Variants in VPS36 observed in about 807,000 individuals in gnomAD.
The protein encoded by VPS36 is vacuolar protein-sorting-associated protein 36.
A neutral mutation model predicts 63.5 loss-of-function variants in VPS36; 31 were observed. The ratio of observed to expected loss-of-function variants is 0.49; its 90% confidence interval spans 0.37 to 0.66. VPS36 has a LOEUF of 0.66. VPS36 is among the 30% of genes least tolerant of loss of function. VPS36 has a pLI of 0.00. For missense variants in VPS36, 338 were observed against 463.7 expected (o/e 0.73, Z 2.49); for synonymous variants, 138 against 157.2 (o/e 0.88, Z 0.91).
At chr13:52,426,158 C>G (rs1256491582) in intron 8 of VPS36, 92 bp from the exon 9 acceptor site, 2 of 1,467,614 alleles carry the variant, frequency 1.4e-6, no homozygotes, top group South Asian at 1.3e-5. Flanking sequence ...TCAATTATGT[C>G]TACATATCCC....
intron 6 of VPS36, among the ~76,000 whole-genome samples, chr13:52,430,250 G>C (rs911837075): frequency 1.3e-5 from 2 of 152,084 alleles, no homozygotes. Flanking sequence ...GAAATGAAAA[G>C]CATTAGAGTC....
intron 11 of VPS36, among the ~76,000 whole-genome samples, chr13:52,417,454 G>A (rs1342699737): frequency 1.3e-5 from 2 of 152,088 alleles, no homozygotes; most frequent in South Asian, 2.1e-4. Flanking sequence ...TCCGCCTCCC[G>A]GGTTCAAGCG....
Position 52,415,902 on chromosome 13 carries a change from C to T in VPS36, c.1089G>A (p.Met363Ile). ...AKERLLLAEK[M>I]GHLCRDDSVE... is the part of the protein sequence containing the mutation. ...CTGAGTCATCACGGCAAAGATGGCC[C>T]ATCTTCTCTGCAAGCAGCAACCTAA... is the stretch of plus-strand genomic sequence containing the variant. The change falls in exon 14 of 14, where the codon ATG becomes ATA. Residue 363 changes from methionine to isoleucine, a missense_variant. Physicochemically the swap from Met to Ile is conservative, Grantham distance 10. Transcript: ENST00000378060. 1 of 1,613,794 alleles carries T rather than the reference C, an allele frequency of 6.2e-7. No individual in the cohort carries two copies. The highest frequency in any genetic ancestry group is 2.2e-5 in the East Asian group (1 of 44,856).
In VPS36 at chr13:52,433,742, T is replaced by C. The variant is rs767241247; in HGVS notation, c.448A>G (p.Arg150Gly). 1.3e-6 allele frequency: 2 copies of C among 1,591,490 alleles called. No homozygotes were observed. Among genetic ancestry groups the C allele is most frequent in the Non-Finnish European group, 1.7e-6 (2 of 1,173,834 alleles). The change falls in exon 6 of 14, where the codon AGA (arginine) becomes GGA (glycine). Residue 150 changes from arginine to glycine, a missense_variant. Transcript: ENST00000378060. The stretch of plus-strand genomic sequence containing the variant: ...CCTACAATTCCTACAGCCCTTATTC[T>C]TCCTGGCTGAAAAAAAAAAGAGGTA... ...LQTNRGPQPG[R>G]IRAVGIVGIE...
At chr13:52,443,471 G>A (rs1333779382) in intron 1 of VPS36, among the ~76,000 whole-genome samples, 3 of 152,096 alleles carry the variant, frequency 2.0e-5, no homozygotes, top group African/African-American at 4.8e-5. Flanking sequence ...CCATGAACAC[G>A]TGCTGACAAA....
In VPS36 at chr13:52,414,657, C is replaced by A; in HGVS notation, c.*1173G>T. Reference sequence around the variant, plus strand: ...CTCTTCCTGGTCCCAAGGGTGCTCCCAATACAATACTTTCCCTCCCGCAGG... The same window carrying A: ...CTCTTCCTGGTCCCAAGGGTGCTCCAAATACAATACTTTCCCTCCCGCAGG... On this transcript the variant is annotated 3_prime_UTR_variant, in exon 14 of 14. Transcript: ENST00000378060. 1 of 152,300 alleles carries A rather than the reference C, an allele frequency of 6.6e-6. No homozygotes were observed. The highest frequency in any genetic ancestry group is 2.1e-4 in the South Asian group (1 of 4,820). 9.4% of individuals were successfully genotyped at this position (152,300 alleles called of 1,614,324 possible).
intron 6 of VPS36, among the ~76,000 whole-genome samples, chr13:52,430,316 A>G (rs1476161235): frequency 6.6e-6 from 1 of 152,176 alleles, no homozygotes; most frequent in Non-Finnish European, 1.5e-5. Flanking sequence ...GGAGTCCCAG[A>G]AGAAAAAAAA....
At chr13:52,445,879 G>A (rs1958334846) in intron 1 of VPS36, among the ~76,000 whole-genome samples, 1 of 132,176 alleles carries the variant, frequency 7.6e-6, no homozygotes, top group African/African-American at 2.8e-5. Flanking sequence ...GGCGGAGCTT[G>A]CAGTGAGCGG....
At chr13:52,418,570 T>A (rs1467812042) in intron 10 of VPS36, among the ~76,000 whole-genome samples, 4 of 71,546 alleles carry the variant, frequency 5.6e-5, no homozygotes, top group Admixed American at 4.7e-4. Context: ...CGAGACTCCA[T>A]CTCAAAAAAA....
At chr13:52,426,117 T>A (rs529173335) in intron 8 of VPS36, 51 bp from the exon 9 acceptor site, 2 of 1,594,598 alleles carry the variant, frequency 1.3e-6, no homozygotes, top group South Asian at 2.3e-5. Context: ...CCTCAATATT[T>A]GAAATTCTTC....
At chr13:52,448,477 G>GAGAC (rs1215248273) in intron 1 of VPS36, among the ~76,000 whole-genome samples, 3 of 152,180 alleles carry the variant, frequency 2.0e-5, no homozygotes, top group Admixed American at 1.3e-4. Flanking sequence ...CAGTGGTAAG[G>GAGAC]AGACTCCTCT....
intron 8 of VPS36, among the ~76,000 whole-genome samples, chr13:52,426,748 G>A (rs1958105066): frequency 6.6e-6 from 1 of 152,108 alleles, no homozygotes; most frequent in Non-Finnish European, 1.5e-5. Context: ...CCAGCTACTC[G>A]GGACGCTGAG....
chr13:52,416,050 A>G lies in VPS36; in HGVS notation c.1034T>C (p.Leu345Pro), dbSNP rs753651402. Residue 345 changes from leucine (L) to proline (P), a missense_variant, in exon 13 of 14, where the codon CTT (leucine) becomes CCT (proline). Leu to Pro is a moderately conservative substitution (Grantham distance 98, BLOSUM62 -3). Transcript: ENST00000378060. ...GSLTSEEFAK[L>P]VGMSVLLAKE... ...GGCTAGGAGGACAGACATTCCCACA[A>G]GCTTAGCAAACTCTTCTGATGTTAG... The G allele has an allele frequency of 6.2e-7, 1 of 1,613,996 alleles. No homozygotes were observed. Among genetic ancestry groups the G allele is most frequent in the Non-Finnish European group, 8.5e-7 (1 of 1,179,966 alleles).
At position 52,416,136 on chromosome 13, in the gene VPS36, G is replaced by T. The variant is rs575704729; in HGVS notation, c.991-43C>A. On this transcript the variant is annotated intron_variant, in intron 12 of 13. Coordinates refer to ENST00000378060, the MANE Select transcript of VPS36 (RefSeq NM_016075.4). ...CAGAAAAAAAATGTAATTAATTTAG[G>T]ACACTAATTTAAACACACTCTGGGT... 261 of 1,584,580 alleles carry T rather than the reference G, an allele frequency of 1.6e-4. 1 individual carries two copies. The South Asian group carries it at 2.9e-3, about 17-fold the overall frequency.
intron 1 of VPS36, 70 bp from the exon 2 acceptor site, chr13:52,442,515 G>C (rs1958290929): frequency 7.8e-7 from 1 of 1,280,240 alleles, no homozygotes; most frequent in African/African-American, 1.5e-5. Flanking sequence ...TCTTCTTCAT[G>C]AATTATACCA....
chr13:52,445,419 C>CGCG (rs1958327255), intron 1 of VPS36, among the ~76,000 whole-genome samples: 1 of 151,670 alleles, frequency 6.6e-6, no homozygotes, highest in Non-Finnish European at 1.5e-5. Context: ...GAAGGCGGAT[C>CGCG]ACGAGGTCAG....
Position 52,415,917 on chromosome 13 carries a change from C to A in VPS36, c.1074G>T (p.Leu358=). Residue 358 remains leucine (L), a synonymous_variant, in exon 14 of 14, where the codon CTG becomes CTT. Transcript: ENST00000378060. ...MSVLLAKERL[L]LAEKMGHLCR... is the part of the protein sequence containing the mutation. ...AAAGATGGCCCATCTTCTCTGCAAG[C>A]AGCAACCTAAAAAAAAACAACAAAA... The A allele has an allele frequency of 6.2e-7, 1 of 1,613,680 alleles. No homozygotes were observed. Among genetic ancestry groups the A allele is most frequent in the South Asian group, 1.1e-5 (1 of 91,014 alleles).
intron 1 of VPS36, among the ~76,000 whole-genome samples, chr13:52,443,422 A>G (rs553394125): frequency 6.6e-6 from 1 of 152,266 alleles, no homozygotes; most frequent in African/African-American, 2.4e-5. Flanking sequence ...TGGGACTAGT[A>G]TCCCTATAAG....
rs1010619277 is a variant in VPS36, at chr13:52,425,258, A to G, written c.774+674T>C. On this transcript the variant is annotated intron_variant, in intron 9 of 13. Coordinates refer to ENST00000378060, the MANE Select transcript of VPS36 (RefSeq NM_016075.4). Reference sequence around the variant, plus strand: ...ACAGAGCGAGACTCCGCCTCAAAAAAAAAAAAAAAAAAGAAAATGTGAACA... The same window carrying G: ...ACAGAGCGAGACTCCGCCTCAAAAAGAAAAAAAAAAAAGAAAATGTGAACA... 2.6e-5 allele frequency among the ~76,000 whole-genome samples: 4 copies of G among 151,770 alleles called. No homozygotes were observed. The East Asian group carries it at 7.7e-4, about 29-fold the overall frequency.
Sources: allele counts gnomAD v4.1 joint callset (sites outside exome capture counted in the v4.1 genomes callset), GRCh38; gene constraint gnomAD v4.1.1; transcripts MANE v1.5; gene names NCBI Gene and HGNC (gene_info 2026-07-23, HGNC 2026-07-21).